The following MIS18BP1 variants were observed in gnomAD, a reference collection of about 807,000 sequenced individuals.
The protein encoded by MIS18BP1 is mis18-binding protein 1.
Under a neutral mutation model 116.1 loss-of-function variants are expected in MIS18BP1, and 72 were observed. That is an observed-to-expected ratio of 0.62 (90% confidence interval 0.51 to 0.75). The LOEUF (loss-of-function observed/expected upper bound fraction) is 0.75. MIS18BP1 is among the 30% of genes least tolerant of loss of function. The pLI, the probability that MIS18BP1 is intolerant of heterozygous loss-of-function variation, is 0.00. For synonymous variants in MIS18BP1, 386 were observed against 427.0 expected (o/e 0.90, Z 1.18); for missense variants, 1,363 against 1,303.2 (o/e 1.05, Z -0.71).
Position 45,222,579 on chromosome 14 carries a change from A to G in MIS18BP1, c.2669+1339T>C, listed in dbSNP as rs1235747837. 3.3e-5 allele frequency among the ~76,000 whole-genome samples: 5 copies of G among 152,190 alleles called. No individual in the cohort carries two copies. The East Asian group carries it at 9.6e-4, about 29-fold the overall frequency. The stretch of plus-strand genomic sequence containing the variant: ...TCAGTTTCATTTTTCAAAGCTCTGC[A>G]GTGCTGTTAGGATCTTCCTGTGTGT... On this transcript the variant is annotated intron_variant, in intron 11 of 16. Transcript: ENST00000310806.
chr14:45,224,342 G>T lies in MIS18BP1; in HGVS notation c.2245C>A (p.Pro749Thr). The change falls in exon 11 of 17, where the codon CCA becomes ACA. Residue 749 changes from proline to threonine, a missense_variant. Pro to Thr is a conservative substitution (Grantham distance 38). Transcript: ENST00000310806. ...SDFKKNTRLL[P>T]KLKKIENQVA... is the part of the protein sequence containing the mutation. ...TGATTTTCTATTTTCTTCAATTTTG[G>T]TAATAGTCTGGTATTTTTCTTAAAG... The T allele has an allele frequency of 5.0e-6, 8 of 1,613,772 alleles. No homozygotes were observed. Among genetic ancestry groups the T allele is most frequent in the Non-Finnish European group, 6.8e-6 (8 of 1,179,926 alleles).
intron 9 of MIS18BP1, among the ~76,000 whole-genome samples, chr14:45,227,272 G>A (rs912501278): frequency 6.6e-6 from 1 of 152,166 alleles, no homozygotes; most frequent in African/African-American, 2.4e-5. Context: ...ACTTTGGGAG[G>A]CAGAGGTGGG....
intron 7 of MIS18BP1, among the ~76,000 whole-genome samples, chr14:45,232,148 G>A (rs948003927): frequency 1.3e-5 from 2 of 152,072 alleles, no homozygotes; most frequent in African/African-American, 4.8e-5. Context: ...CGGGCGCGGT[G>A]TCTCACGCCT....
At chr14:45,205,021 A>C (rs1030886656) in intron 15 of MIS18BP1, among the ~76,000 whole-genome samples, 1 of 152,162 alleles carries the variant, frequency 6.6e-6, no homozygotes, top group Non-Finnish European at 1.5e-5. Context: ...TTTGAAGTAC[A>C]TGCTCACACA....
intron 13 of MIS18BP1, among the ~76,000 whole-genome samples, chr14:45,212,760 CTG>C (rs1890710274): frequency 6.6e-6 from 1 of 152,204 alleles, no homozygotes; most frequent in East Asian, 1.9e-4. Context: ...AGTAAACACA[CTG>C]TAACTTGCTC....
At chr14:45,246,680 A>G (rs143085649) in intron 2 of MIS18BP1, 63 bp downstream of exon 2, 17,633 of 1,457,060 alleles carry the variant, frequency 0.012, 186 homozygotes, top group South Asian at 0.027. Flanking sequence ...AGCACCTAAA[A>G]CAGTGTCTGA....
At chr14:45,237,843 G>T in intron 4 of MIS18BP1, 122 bp from the exon 5 acceptor site, 1 of 1,309,656 alleles carries the variant, frequency 7.6e-7, no homozygotes. Flanking sequence ...TAGTGTCATC[G>T]ATGTAAGATT....
chr14:45,222,328 C>CTA (rs1890997150), intron 11 of MIS18BP1, among the ~76,000 whole-genome samples: 1 of 151,942 alleles, frequency 6.6e-6, no homozygotes, highest in African/African-American at 2.4e-5. Context: ...TTCTTTTGGG[C>CTA]TATTTGATTT....
At chr14:45,230,196 T>C (rs1891237118) in intron 8 of MIS18BP1, among the ~76,000 whole-genome samples, 2 of 152,236 alleles carry the variant, frequency 1.3e-5, no homozygotes, top group African/African-American at 2.4e-5. Flanking sequence ...ACAACATATT[T>C]TAGTAACTTT....
intron 11 of MIS18BP1, among the ~76,000 whole-genome samples, chr14:45,219,208 T>C (rs914981689): frequency 6.6e-6 from 1 of 152,240 alleles, no homozygotes; most frequent in African/African-American, 2.4e-5. Flanking sequence ...ACCAAGTCTT[T>C]ATTTTTAATC....
intron 11 of MIS18BP1, 105 bp from the exon 12 acceptor site, chr14:45,218,559 T>A: frequency 9.6e-7 from 1 of 1,044,518 alleles, no homozygotes; most frequent in Non-Finnish European, 1.3e-6. Flanking sequence ...GATGAAGGAA[T>A]CAGTTTTATC....
chr14:45,226,201 T>A (rs753463608), intron 10 of MIS18BP1, among the ~76,000 whole-genome samples: 106 of 152,294 alleles, frequency 7.0e-4, no homozygotes, highest in Non-Finnish European at 1.0e-3. Context: ...CTCGGAAGTA[T>A]AAGTAGCACT....
At position 45,247,175 on chromosome 14, in the gene MIS18BP1, T is replaced by C. The variant is rs375928099; in HGVS notation, c.112A>G (p.Thr38Ala). 3.1e-6 allele frequency: 5 copies of C among 1,612,940 alleles called. No homozygotes were observed. The African/African-American group carries it at 4.0e-5, about 13-fold the overall frequency. Residue 38 changes from threonine to alanine, a missense_variant, in exon 2 of 17, where the codon ACA (threonine) becomes GCA (alanine). Transcript: ENST00000310806. ...AIFFDSIPSG[T>A]LTPVKDLVKY... ...ACCAAATCTTTTACAGGAGTAAGTG[T>C]GCCTGAAGGAATGCTGTCAAAAAAG...
intron 1 of MIS18BP1, chr14:45,250,279 A>G (rs556156518): frequency 5.4e-4 from 82 of 152,310 alleles, no homozygotes; most frequent in African/African-American, 1.8e-3. Context: ...AACTCAATAT[A>G]AGCCAAGAAA....
chr14:45,231,218 T>C lies in MIS18BP1; in HGVS notation c.1517A>G (p.Lys506Arg), dbSNP rs1891268279. 6.8e-6 allele frequency: 11 copies of C among 1,614,076 alleles called. No homozygotes were observed. The highest frequency in any genetic ancestry group is 9.3e-6 in the Non-Finnish European group (11 of 1,179,946). Residue 506 changes from lysine (K) to arginine (R), a missense_variant, in exon 8 of 17, where the codon AAA (lysine) becomes AGA (arginine). Lys to Arg is a conservative substitution (Grantham distance 26). Transcript: ENST00000310806. ...TGTTTGGTTTTCTCGTGCATCATTTTTCATTGATTTCCTTATGTCACGGAC... is the reference window on the plus strand; with the variant it reads ...TGTTTGGTTTTCTCGTGCATCATTTCTCATTGATTTCCTTATGTCACGGAC... Reference protein sequence around the residue: ...RSVRDIRKSMKNDARENQTDT... With the variant: ...RSVRDIRKSMRNDARENQTDT...
intron 6 of MIS18BP1, among the ~76,000 whole-genome samples, chr14:45,235,241 C>G (rs918561317): frequency 6.8e-6 from 1 of 147,058 alleles, no homozygotes; most frequent in Admixed American, 6.8e-5. Context: ...AGCCTCTTAA[C>G]ACTTCTGTAT....
rs1594513928 is a variant in MIS18BP1, at chr14:45,227,671, A to G, written c.1738T>C (p.Ser580Pro). Residue 580 changes from serine to proline, a missense_variant, in exon 9 of 17, where the codon TCT (serine) becomes CCT (proline). Coordinates refer to ENST00000310806, the MANE Select transcript of MIS18BP1 (RefSeq NM_018353.5). ...GTACAATAAAGCCTTACCTGATTAG[A>G]TAAGTCATCTCCTCCTCCATTTTGA... is the stretch of plus-strand genomic sequence containing the variant. ...TIQNGGGDDL[S>P]NQELIGKKEY... is the part of the protein sequence containing the mutation. 3 of 1,612,402 alleles carry G rather than the reference A, an allele frequency of 1.9e-6. No individual in the cohort carries two copies. Among genetic ancestry groups the G allele is most frequent in the Non-Finnish European group, 1.7e-6 (2 of 1,178,444 alleles).
At position 45,227,643 on chromosome 14, in the gene MIS18BP1, A is replaced by G; in HGVS notation, c.1746+20T>C. ...TTCTAAATATCAACTTGAACTATAC[A>G]GTGTACAATAAAGCCTTACCTGATT... On this transcript the variant is annotated intron_variant, in intron 9 of 16. Coordinates refer to ENST00000310806, the MANE Select transcript of MIS18BP1 (RefSeq NM_018353.5). The G allele has an allele frequency of 1.2e-6, 2 of 1,602,242 alleles. No individual in the cohort carries two copies.
chr14:45,205,400 C>T (rs1890487283), intron 15 of MIS18BP1, among the ~76,000 whole-genome samples: 1 of 152,004 alleles, frequency 6.6e-6, no homozygotes, highest in Non-Finnish European at 1.5e-5. Context: ...AGATTAGCTA[C>T]TTAGAGGAAA....
Sources: gnomAD v4.1 joint callset for allele counts (sites outside exome capture counted in the v4.1 genomes callset) on GRCh38, gnomAD v4.1.1 for gene constraint, MANE v1.5 for transcripts, NCBI Gene and HGNC (gene_info 2026-07-23, HGNC 2026-07-21) for gene names.